The following TMEM39A variants were observed in gnomAD, a reference collection of about 807,000 sequenced individuals.
TMEM39A encodes the protein suppressor of SQST-1 aggregates in rpl-43 mutants.
TMEM39A carries 19 observed loss-of-function variants against 51.9 expected under a neutral mutation model. That is an observed-to-expected ratio of 0.37 (90% CI 0.26 to 0.54). The LOEUF (loss-of-function observed/expected upper bound fraction) is 0.54. Among genes scored for constraint, TMEM39A ranks in the 20% least tolerant of loss-of-function variants. The pLI, the probability that TMEM39A is intolerant of heterozygous loss-of-function variation, is 0.88. For synonymous variants in TMEM39A, 197 were observed against 220.2 expected (o/e 0.89, Z 0.93); for missense variants, 433 against 590.5 (o/e 0.73, Z 2.76).
intron 4 of TMEM39A, among the ~76,000 whole-genome samples, chr3:119,449,411 TA>T (rs1440873781): frequency 6.6e-6 from 1 of 151,926 alleles, no homozygotes; most frequent in Non-Finnish European, 1.5e-5. Flanking sequence ...CTGTCTCTAC[TA>T]AAAATACAAA....
intron 4 of TMEM39A, among the ~76,000 whole-genome samples, chr3:119,451,779 G>A (rs368827239): frequency 5.2e-4 from 66 of 125,738 alleles, no homozygotes; most frequent in African/African-American, 9.8e-4. Flanking sequence ...GTGGCGAGCC[G>A]AGATCATGCC....
chr3:119,447,142 G>GA lies in TMEM39A; in HGVS notation c.450dup (p.His151SerfsTer56), dbSNP rs1188907150. 2 of 1,613,874 alleles carry GA rather than the reference G, an allele frequency of 1.2e-6. No homozygotes were observed. Among genetic ancestry groups the GA allele is most frequent in the Non-Finnish European group, 1.7e-6 (2 of 1,179,932 alleles). On this transcript the variant is annotated frameshift_variant, in exon 5 of 9. Transcript: ENST00000319172. LOFTEE classifies it high-confidence loss of function. ...CGAGCTGATATCAGAACCATGTAGT[G>GA]AATCATTGATGCTGCACCTGCCTTA...
Position 119,462,128 on chromosome 3 carries a change from G to C in TMEM39A, c.-54C>G. On this transcript the variant is annotated 5_prime_UTR_variant, in exon 2 of 9. Transcript: ENST00000319172. ...ACCTGTAGTTGCAACCCAGGTTAATGGTTGTCAACCAGTTTCAACTCTGAA... is the reference window on the plus strand; with the variant it reads ...ACCTGTAGTTGCAACCCAGGTTAATCGTTGTCAACCAGTTTCAACTCTGAA... 7.1e-7 allele frequency: 1 copy of C among 1,414,096 alleles called. No homozygotes were observed. The allele number at this position is 1,414,096 out of a possible 1,614,324, so 87.6% of individuals were successfully genotyped here.
intron 7 of TMEM39A, chr3:119,435,144 A>C (rs1234914181): frequency 1.0e-6 from 1 of 985,334 alleles, no homozygotes; most frequent in Non-Finnish European, 1.2e-6. Context: ...GCTTAGAAGA[A>C]TGAGCAGACA....
intron 8 of TMEM39A, among the ~76,000 whole-genome samples, chr3:119,433,603 C>A (rs192996030): frequency 6.6e-6 from 1 of 152,110 alleles, no homozygotes; most frequent in East Asian, 1.9e-4. Context: ...TGAACTATTT[C>A]GCTATCACAG....
chr3:119,451,612 C>A (rs191174370), intron 4 of TMEM39A, among the ~76,000 whole-genome samples: 1 of 152,248 alleles, frequency 6.6e-6, no homozygotes, highest in East Asian at 1.9e-4. Context: ...AGGTGGATCA[C>A]CTGAGGTCGG....
Position 119,457,350 on chromosome 3 carries a change from A to G in TMEM39A, c.336+668T>C, listed in dbSNP as rs9289130. ...TTATGTACTTCAGCAAAGACAGCCA[A>G]TTTCTCAATTTCACTTCCCAATTTC... On this transcript the variant is annotated intron_variant, in intron 3 of 8. Transcript: ENST00000319172. Among the ~76,000 whole-genome samples the G allele has an allele frequency of 9.0e-3, 1,369 of 152,286 alleles. 13 individuals are homozygous for G. Among genetic ancestry groups the G allele is most frequent in the Non-Finnish European group, 0.017 (1,134 of 68,016 alleles).
intron 5 of TMEM39A, among the ~76,000 whole-genome samples, chr3:119,445,418 C>T (rs892422782): frequency 1.3e-5 from 2 of 152,168 alleles, no homozygotes; most frequent in Non-Finnish European, 1.5e-5. Flanking sequence ...ACACGTGCCA[C>T]CACGCCCTGC....
At chr3:119,432,270 T>TTA (rs1252506827) in intron 8 of TMEM39A, 56 bp from the exon 9 acceptor site, 5 of 1,244,210 alleles carry the variant, frequency 4.0e-6, no homozygotes, top group Middle Eastern at 1.9e-4. Context: ...ATGGCTACAG[T>TTA]TATTCTTGCA....
At chr3:119,452,717 TTTAAG>T (rs1452607495) in intron 3 of TMEM39A, among the ~76,000 whole-genome samples, 187 bp from the exon 4 acceptor site, 1 of 152,218 alleles carries the variant, frequency 6.6e-6, no homozygotes, top group Non-Finnish European at 1.5e-5. Context: ...AACAAATTGC[TTTAAG>T]TTTTTAAACA....
chr3:119,458,594 T>A (rs2081296799), intron 2 of TMEM39A, among the ~76,000 whole-genome samples: 1 of 151,900 alleles, frequency 6.6e-6, no homozygotes, highest in Non-Finnish European at 1.5e-5. Flanking sequence ...AACCTGGGAG[T>A]CATATTAAAA....
At position 119,461,992 on chromosome 3, in the gene TMEM39A, C is replaced by A. The variant is rs370872165; in HGVS notation, c.83G>T (p.Gly28Val). The change falls in exon 2 of 9, where the codon GGC (glycine) becomes GTC (valine). Residue 28 changes from glycine (G) to valine (V), a missense_variant. Gly to Val is a moderately radical substitution (Grantham distance 109). Around this residue, in one of 3 missense-constraint regions of TMEM39A, gnomAD observed 170 missense variants for 239.8 expected, o/e 0.71. Coordinates refer to ENST00000319172, the MANE Select transcript of TMEM39A (RefSeq NM_018266.3). ...LPSLQTLVGG[G>V]CGNGTGLRNR... ...TCTCAAGCCTGTTCCATTGCCACAGCCTCCACCAACCAAAGTCTGCAAAGA... is the reference window on the plus strand; with the variant it reads ...TCTCAAGCCTGTTCCATTGCCACAGACTCCACCAACCAAAGTCTGCAAAGA... The A allele has an allele frequency of 3.7e-6, 6 of 1,613,982 alleles. No homozygotes were observed. The African/African-American group carries it at 6.7e-5, about 18-fold the overall frequency.
At chr3:119,432,249 A>T in intron 8 of TMEM39A, 35 bp from the exon 9 acceptor site, 1 of 1,458,050 alleles carries the variant, frequency 6.9e-7, no homozygotes, top group East Asian at 2.4e-5. Flanking sequence ...ACATTATTTC[A>T]TAGAAAAGTA....
At chr3:119,454,671 T>C (rs1375482830) in intron 3 of TMEM39A, among the ~76,000 whole-genome samples, 1 of 151,974 alleles carries the variant, frequency 6.6e-6, no homozygotes, top group Non-Finnish European at 1.5e-5. Context: ...ATGCCTGTAA[T>C]CCCAGCTACT....
chr3:119,454,935 C>T (rs1425593369), intron 3 of TMEM39A, among the ~76,000 whole-genome samples: 1 of 152,202 alleles, frequency 6.6e-6, no homozygotes, highest in East Asian at 1.9e-4. Context: ...CTATTCCTGA[C>T]TATTCTGAAT....
intron 3 of TMEM39A, among the ~76,000 whole-genome samples, chr3:119,454,473 C>G (rs756095293): frequency 3.3e-5 from 5 of 152,194 alleles, no homozygotes; most frequent in Admixed American, 6.5e-5. Flanking sequence ...TAATGCATCA[C>G]CAGTCCATCT....
chr3:119,455,342 CAT>C (rs1000101276), intron 3 of TMEM39A, among the ~76,000 whole-genome samples: 3 of 152,198 alleles, frequency 2.0e-5, no homozygotes, highest in Admixed American at 1.3e-4. Context: ...TGCTATTTCA[CAT>C]GTTACTCTTG....
At chr3:119,434,955 T>C (rs1049367983) in intron 7 of TMEM39A, 73 bp from the exon 8 acceptor site, 1 of 1,542,390 alleles carries the variant, frequency 6.5e-7, no homozygotes. Context: ...AGGCCAGCTG[T>C]ATTTTTATGG....
At chr3:119,435,353 A>T in intron 7 of TMEM39A, 1 of 985,412 alleles carries the variant, frequency 1.0e-6, no homozygotes, top group Non-Finnish European at 1.2e-6. Flanking sequence ...AAACTATAGG[A>T]AATCAGTTTG....
Sources: allele counts gnomAD v4.1 joint callset (sites outside exome capture counted in the v4.1 genomes callset), GRCh38; gene constraint gnomAD v4.1.1; regional missense constraint gnomAD v4.1.1; transcripts MANE v1.5; gene names NCBI Gene and HGNC (gene_info 2026-07-23, HGNC 2026-07-21).